ADCYAP1R1: variants seen among roughly 807,000 people sequenced by gnomAD.
ADCYAP1R1 encodes the protein pituitary adenylate cyclase-activating polypeptide type I receptor.
ADCYAP1R1 carries 44 observed loss-of-function variants against 67.6 expected under a neutral mutation model. The observed-to-expected ratio is 0.65, with a 90% CI of 0.51 to 0.84. The LOEUF is 0.84. ADCYAP1R1 is among the 40% of genes least tolerant of loss of function. ADCYAP1R1 has a pLI of 0.00. For missense variants in ADCYAP1R1, 477 were observed against 587.9 expected (o/e 0.81, Z 1.95); for synonymous variants, 222 against 219.6 (o/e 1.01, Z -0.10).
At position 31,065,496 on chromosome 7, in the gene ADCYAP1R1, C is replaced by T. The variant is rs150449571; in HGVS notation, c.157+560C>T. On this transcript the variant is annotated intron_variant, in intron 3 of 15. Coordinates refer to ENST00000304166, the MANE Select transcript of ADCYAP1R1 (RefSeq NM_001118.5). ...GAAGCACACATTGCAGGACATTGAGCGTTCTTAGCCTCTCCCTCTAAATGC... is the reference window on the plus strand; with the variant it reads ...GAAGCACACATTGCAGGACATTGAGTGTTCTTAGCCTCTCCCTCTAAATGC... Among the ~76,000 whole-genome samples, 138 of 152,310 alleles carry T rather than the reference C, an allele frequency of 9.1e-4. 3 individuals are homozygous for T. The Middle Eastern group carries it at 0.021, about 23-fold the overall frequency.
chr7:31,106,094 G>GC (rs1796632824), intron 15 of ADCYAP1R1, among the ~76,000 whole-genome samples: 1 of 152,208 alleles, frequency 6.6e-6, no homozygotes, highest in Non-Finnish European at 1.5e-5. Flanking sequence ...AATTTTTAAA[G>GC]CCCCCCAGGT....
chr7:31,066,619 A>G (rs949347879), intron 3 of ADCYAP1R1, among the ~76,000 whole-genome samples: 3 of 149,770 alleles, frequency 2.0e-5, no homozygotes, highest in Admixed American at 6.6e-5. Context: ...ACCTGGCTGC[A>G]CATCTGAATC....
intron 12 of ADCYAP1R1, among the ~76,000 whole-genome samples, chr7:31,089,220 CTTA>C (rs1795867125): frequency 6.6e-6 from 1 of 151,750 alleles, no homozygotes; most frequent in African/African-American, 2.4e-5. Context: ...TCTGAATTCT[CTTA>C]TTGGTTTTTA....
At chr7:31,083,197 G>C (rs758867156) in intron 6 of ADCYAP1R1, among the ~76,000 whole-genome samples, 1 of 152,240 alleles carries the variant, frequency 6.6e-6, no homozygotes, top group Non-Finnish European at 1.5e-5. Context: ...AGTGTCAGGC[G>C]GGGGCCACAC....
intron 2 of ADCYAP1R1, among the ~76,000 whole-genome samples, chr7:31,063,914 C>T (rs1794619810): frequency 6.6e-6 from 1 of 152,220 alleles, no homozygotes; most frequent in Non-Finnish European, 1.5e-5. Flanking sequence ...AGGGATTGGA[C>T]TATGTCCCCA....
intron 13 of ADCYAP1R1, chr7:31,100,055 T>TCCCTGTAA: frequency 6.9e-7 from 1 of 1,440,638 alleles, no homozygotes; most frequent in Non-Finnish European, 9.5e-7. Context: ...TTTTCTGCTT[T>TCCCTGTAA]CCCTGTAAAC....
intron 6 of ADCYAP1R1, among the ~76,000 whole-genome samples, chr7:31,082,892 A>T (rs554975136): frequency 6.6e-6 from 1 of 152,370 alleles, no homozygotes; most frequent in Non-Finnish European, 1.5e-5. Context: ...TCTTGGCTAA[A>T]GAGAACTGGC....
rs1392305426 is a variant in ADCYAP1R1, at chr7:31,086,712, C to T, written c.823+175C>T. Among the ~76,000 whole-genome samples, 1 of 152,162 alleles carries T rather than the reference C, an allele frequency of 6.6e-6. No homozygotes were observed. The highest frequency in any genetic ancestry group is 1.5e-5 in the Non-Finnish European group (1 of 68,030). On this transcript the variant is annotated intron_variant, in intron 10 of 15. Transcript: ENST00000304166. This position sits in a 1 kb window ranked among gnomAD's most constrained non-coding sequence, Gnocchi z 5.0. ...TCTCAATCTTCTTGCCTGTGGAAAGCCCACTATCTCAGGGAGGAGTTAAAT... is the reference window on the plus strand; with the variant it reads ...TCTCAATCTTCTTGCCTGTGGAAAGTCCACTATCTCAGGGAGGAGTTAAAT...
intron 3 of ADCYAP1R1, among the ~76,000 whole-genome samples, chr7:31,070,047 T>C (rs375809969): frequency 2.8e-4 from 43 of 152,220 alleles, no homozygotes; most frequent in East Asian, 9.7e-4. Context: ...GCCAACCACA[T>C]TGGGGGCCAG....
Position 31,067,979 on chromosome 7 carries a change from C to T in ADCYAP1R1, c.157+3043C>T, listed in dbSNP as rs545867848. 7.8e-4 allele frequency among the ~76,000 whole-genome samples: 118 copies of T among 152,218 alleles called. 1 individual carries two copies. The highest frequency in any genetic ancestry group is 3.4e-3 in the Middle Eastern group (1 of 294). ...GAGACATCTCTAGGAAGCAGGTCAGCGCCACTTGGAACAATCCTGGAAGCC... is the reference window on the plus strand; with the variant it reads ...GAGACATCTCTAGGAAGCAGGTCAGTGCCACTTGGAACAATCCTGGAAGCC... On this transcript the variant is annotated intron_variant, in intron 3 of 15. Coordinates refer to ENST00000304166, the MANE Select transcript of ADCYAP1R1 (RefSeq NM_001118.5).
At chr7:31,057,412 G>T (rs996016086) in intron 1 of ADCYAP1R1, among the ~76,000 whole-genome samples, 6 of 152,232 alleles carry the variant, frequency 3.9e-5, no homozygotes, top group Non-Finnish European at 7.3e-5. Context: ...GGGCCTCAGA[G>T]CCTCACCAGT....
chr7:31,103,980 G>A (rs1562659352), intron 14 of ADCYAP1R1, among the ~76,000 whole-genome samples: 1 of 152,210 alleles, frequency 6.6e-6, no homozygotes, highest in African/African-American at 2.4e-5. Flanking sequence ...TGGGGATAGA[G>A]CGCCTCTCCC....
intron 13 of ADCYAP1R1, among the ~76,000 whole-genome samples, chr7:31,099,652 A>G (rs1006703772): frequency 6.6e-6 from 1 of 152,202 alleles, no homozygotes; most frequent in African/African-American, 2.4e-5. Context: ...GTTGACCTTC[A>G]CAGCCAAGCC....
rs1796576287 is a variant in ADCYAP1R1 at position 31,104,887 on chromosome 7, T to C, written c.1196T>C (p.Leu399Pro). ...TCCCAGGGCTTTGTGGTGGCTGTTC[T>C]CTACTGTTTTCTGAATGGTGAGGTA... ...GSFQGFVVAV[L>P]YCFLNGEVQA... Residue 399 changes from leucine to proline, a missense_variant, in exon 15 of 16, where the codon CTC (leucine) becomes CCC (proline). Transcript: ENST00000304166. 6.2e-7 allele frequency: 1 copy of C among 1,614,200 alleles called. No individual in the cohort carries two copies. Among genetic ancestry groups the C allele is most frequent in the Non-Finnish European group, 8.5e-7 (1 of 1,180,024 alleles).
chr7:31,086,443 G>C lies in ADCYAP1R1; in HGVS notation c.729G>C (p.Trp243Cys). 6.2e-7 allele frequency: 1 copy of C among 1,614,180 alleles called. No individual in the cohort carries two copies. ...FHYCVVSNYF[W>C]LFIEGLYLFT... ...ACTGTGTTGTGTCCAACTACTTCTG[G>C]CTGTTCATCGAGGGCCTGTACCTCT... Residue 243 changes from tryptophan to cysteine, a missense_variant, in exon 10 of 16, where the codon TGG (tryptophan) becomes TGC (cysteine). By Grantham distance (215) the Trp-to-Cys change is radical. Transcript: ENST00000304166. This position sits in a 1 kb window ranked among gnomAD's most constrained non-coding sequence, Gnocchi z 5.0.
intron 13 of ADCYAP1R1, chr7:31,100,122 C>T (rs1796378317): frequency 6.4e-7 from 1 of 1,550,414 alleles, no homozygotes; most frequent in African/African-American, 1.4e-5. Context: ...TCTTGTCACA[C>T]CCAGCAGCTG....
chr7:31,065,100 T>G (rs1299582303), intron 3 of ADCYAP1R1, among the ~76,000 whole-genome samples, 164 bp downstream of exon 3: 2 of 152,164 alleles, frequency 1.3e-5, no homozygotes, highest in Non-Finnish European at 2.9e-5. Context: ...GCAATGATGC[T>G]GGGGTTGCTC....
intron 1 of ADCYAP1R1, among the ~76,000 whole-genome samples, chr7:31,060,371 A>G (rs778742292): frequency 3.3e-5 from 5 of 152,214 alleles, no homozygotes; most frequent in Non-Finnish European, 7.3e-5. Flanking sequence ...GTATATCTAC[A>G]GTCTGATATG....
At chr7:31,103,199 G>A (rs1796505494) in intron 13 of ADCYAP1R1, 38 bp from the exon 14 acceptor site, 3 of 1,606,150 alleles carry the variant, frequency 1.9e-6, no homozygotes, top group South Asian at 1.1e-5. Context: ...CCGAGCCCTG[G>A]AAGTCCCCAG....
Sources: allele counts gnomAD v4.1 joint callset (sites outside exome capture counted in the v4.1 genomes callset), GRCh38; gene constraint gnomAD v4.1.1; non-coding constraint Gnocchi (gnomAD v3.1); transcripts MANE v1.5; gene names NCBI Gene and HGNC (gene_info 2026-07-23, HGNC 2026-07-21).